The following DTX2 variants were observed in gnomAD, a reference collection of about 807,000 sequenced individuals.
DTX2 encodes the protein deltex E3 ubiquitin ligase 2.
In DTX2, 29 loss-of-function variants were observed where a neutral mutation model predicts 55.3. That is an observed-to-expected ratio of 0.52 (90% confidence interval 0.39 to 0.71). The LOEUF (loss-of-function observed/expected upper bound fraction) is 0.71. Among genes scored for constraint, DTX2 ranks in the 30% least tolerant of loss-of-function variants. The pLI, the probability that DTX2 is intolerant of heterozygous loss-of-function variation, is 0.00. For missense variants in DTX2, 537 were observed against 822.5 expected, an observed-to-expected ratio of 0.65 and a Z score of 4.25; for synonymous variants, 276 against 340.4, an observed-to-expected ratio of 0.81 and a Z score of 2.08.
At chr7:76,496,435 G>C (rs1810927998) in intron 5 of DTX2, among the ~76,000 whole-genome samples, 1 of 83,680 alleles carries the variant, frequency 1.2e-5, no homozygotes, top group Non-Finnish European at 2.4e-5. Context: ...GAAGCTCTAG[G>C]CTTCCCCTTT....
intron 2 of DTX2, among the ~76,000 whole-genome samples, chr7:76,475,167 C>T (rs1194740414): frequency 2.0e-5 from 3 of 151,528 alleles, no homozygotes; most frequent in East Asian, 1.9e-4. Context: ...AAAAATTAGC[C>T]GGGCTTGGTG....
rs764404421 is a variant in DTX2, at chr7:76,480,686, G to T, written c.177G>T (p.Leu59=). The part of the protein sequence containing the change: ...QKGQRFGLGS[L]AHSIPLGQAD... ...GCCAACGTTTTGGGCTTGGGAGCCT[G>T]GCCCACAGCATCCCCTTGGGCCAGG... Residue 59 remains leucine, a synonymous_variant, in exon 3 of 11, where the codon CTG becomes CTT. Transcript: ENST00000430490. 1.2e-6 allele frequency: 2 copies of T among 1,613,578 alleles called. No homozygotes were observed. The highest frequency in any genetic ancestry group is 2.7e-5 in the African/African-American group (2 of 74,918).
Position 76,496,014 on chromosome 7 carries a change from C to T in DTX2, c.1010-1323C>T, listed in dbSNP as rs557614022. 9.7e-4 allele frequency among the ~76,000 whole-genome samples: 97 copies of T among 99,650 alleles called. 6 individuals carry two copies. Among genetic ancestry groups the T allele is most frequent in the Non-Finnish European group, 1.4e-3 (69 of 48,626 alleles). The allele number at this position is 99,650 out of a possible 152,430, so 65.4% of individuals were successfully genotyped here. ...CCCGCTTGTCCTTCTCTCCACCCGA[C>T]ATTCAGTTCCCACAGGAACCGCATT... On this transcript the variant is annotated intron_variant, in intron 5 of 10. Transcript: ENST00000430490.
chr7:76,503,360 G>C (rs570283968), intron 8 of DTX2, 66 bp from the exon 9 acceptor site: 8 of 1,544,502 alleles, frequency 5.2e-6, no homozygotes, highest in Non-Finnish European at 6.1e-6. Context: ...ACCATCTGAC[G>C]GTGGAGGTGA....
At chr7:76,490,334 C>A (rs141762993) in intron 4 of DTX2, among the ~76,000 whole-genome samples, 4 of 68,216 alleles carry the variant, frequency 5.9e-5, no homozygotes, top group Non-Finnish European at 1.2e-4. Flanking sequence ...CCTCACCCCC[C>A]CAAAAAAAGA....
chr7:76,483,190 C>T, intron 4 of DTX2, 43 bp downstream of exon 4: 1 of 1,588,314 alleles, frequency 6.3e-7, no homozygotes, highest in Non-Finnish European at 8.5e-7. Flanking sequence ...CCCTGTGTTT[C>T]CGCTCTTAGC....
chr7:76,505,368 G>C lies in DTX2; in HGVS notation c.1642-6G>C. 6.4e-7 allele frequency: 1 copy of C among 1,565,746 alleles called. No homozygotes were observed. The highest frequency in any genetic ancestry group is 8.7e-7 in the Non-Finnish European group (1 of 1,155,422). ...CTTCCTCTTCCCCCTCCTCCTCCCC[G>C]GGCAGGTCCTAGAGCTCCTGAAGGT... On this transcript the variant is annotated splice_polypyrimidine_tract_variant and splice_region_variant and intron_variant, in intron 10 of 10. Transcript: ENST00000430490. The surrounding 1 kb of genome is among the most constrained non-coding windows in gnomAD (Gnocchi z 4.4).
At position 76,480,554 on chromosome 7, in the gene DTX2, C is replaced by G. The variant is rs779129877; in HGVS notation, c.45C>G (p.Ser15Arg). The change falls in exon 3 of 11, where the codon AGC (serine) becomes AGG (arginine). Residue 15 changes from serine to arginine, a missense_variant. Coordinates refer to ENST00000430490, the MANE Select transcript of DTX2 (RefSeq NM_001102594.3). ...PSPSLVQVYT[S>R]PAAVAVWEWQ... ...CTTCCCTGGTGCAGGTGTACACCAG[C>G]CCCGCGGCTGTGGCCGTGTGGGAAT... 5.0e-6 allele frequency: 8 copies of G among 1,612,182 alleles called. No homozygotes were observed. Among genetic ancestry groups the G allele is most frequent in the Non-Finnish European group, 6.8e-6 (8 of 1,179,874 alleles).
In DTX2 at chr7:76,483,079, C is replaced by G; in HGVS notation, c.840C>G (p.Tyr280Ter). ...APPSLGSQPL[Y>*]RSSLSHLGPQ... The stretch of plus-strand genomic sequence containing the variant: ...CTTCCCTGGGGAGCCAGCCCCTCTA[C>G]CGCTCCAGCCTCTCCCACCTGGGAC... Residue 280 changes from tyrosine to a stop codon, truncating the protein, a stop_gained, in exon 4 of 11, where the codon TAC becomes TAG. Transcript: ENST00000430490. LOFTEE classifies it high-confidence loss of function. 6.2e-7 allele frequency: 1 copy of G among 1,613,006 alleles called. No homozygotes were observed. Among genetic ancestry groups the G allele is most frequent in the South Asian group, 1.1e-5 (1 of 91,060 alleles).
At position 76,500,839 on chromosome 7, in the gene DTX2, C is replaced by T. The variant is rs890951115; in HGVS notation, c.1230+319C>T. ...CCAGCCTGCCCCACTCTCCACCTTGCGGATGCTGGTGTAGAAGTGAGGTGG... is the reference window on the plus strand; with the variant it reads ...CCAGCCTGCCCCACTCTCCACCTTGTGGATGCTGGTGTAGAAGTGAGGTGG... On this transcript the variant is annotated intron_variant, in intron 7 of 10. Coordinates refer to ENST00000430490, the MANE Select transcript of DTX2 (RefSeq NM_001102594.3). Among the ~76,000 whole-genome samples, 6 of 152,228 alleles carry T rather than the reference C, an allele frequency of 3.9e-5. No individual in the cohort carries two copies. In the East Asian group the frequency reaches 9.7e-4, roughly 25 times the overall value.
At position 76,505,405 on chromosome 7, in the gene DTX2, G is replaced by C; in HGVS notation, c.1673G>C (p.Arg558Thr). ...GAGCTCCTGAAGGTGGCCTGGAAGA[G>C]GCGGCTCATCTTCACAGTGGGCACG... is the stretch of plus-strand genomic sequence containing the variant. ...VLELLKVAWK[R>T]RLIFTVGTSS... Residue 558 changes from arginine (R) to threonine (T), a missense_variant, in exon 11 of 11, where the codon AGG becomes ACG. Physicochemically the swap from Arg to Thr is moderately conservative, Grantham distance 71. Around this residue, in one of 7 missense-constraint regions of DTX2, gnomAD observed 33 missense variants for 48.4 expected, o/e 0.68. Transcript: ENST00000430490. The surrounding 1 kb of genome is among the most constrained non-coding windows in gnomAD (Gnocchi z 4.4). 1 of 1,589,872 alleles carries C rather than the reference G, an allele frequency of 6.3e-7. No homozygotes were observed. Among genetic ancestry groups the C allele is most frequent in the Non-Finnish European group, 8.6e-7 (1 of 1,168,564 alleles).
intron 2 of DTX2, chr7:76,474,690 A>G (rs1218234195): frequency 6.6e-6 from 1 of 152,036 alleles, no homozygotes; most frequent in African/African-American, 2.4e-5. Flanking sequence ...CCCAGAGGCC[A>G]CAACTGCAGT....
At chr7:76,468,090 GA>G (rs1283126907) in intron 2 of DTX2, among the ~76,000 whole-genome samples, 22 of 152,294 alleles carry the variant, frequency 1.4e-4, no homozygotes, top group African/African-American at 5.1e-4. Flanking sequence ...GAGGAGGGGA[GA>G]GGGAGGCCAG....
At chr7:76,466,823 C>T (rs1347891341) in intron 2 of DTX2, among the ~76,000 whole-genome samples, 1 of 152,186 alleles carries the variant, frequency 6.6e-6, no homozygotes, top group Non-Finnish European at 1.5e-5. Flanking sequence ...GTCTCAAACT[C>T]CTGACCTCAG....
rs1409494505 is a variant in DTX2 at position 76,475,516 on chromosome 7, ATCT to A, written c.-89-4904_-89-4902del. ...AACCTGGCCAATGTGGCAAAACCAC[ATCT>A]CTACTGAAAATACAAAAATTAGCCA... On this transcript the variant is annotated intron_variant, in intron 2 of 10. Transcript: ENST00000430490. 1.6e-3 allele frequency among the ~76,000 whole-genome samples: 235 copies of A among 142,884 alleles called. 1 individual carries two copies. The highest frequency in any genetic ancestry group is 5.7e-3 in the African/African-American group (221 of 38,688). 93.7% of individuals were successfully genotyped at this position (142,884 alleles called of 152,430 possible).
At chr7:76,491,089 C>T (rs1424765955) in intron 4 of DTX2, among the ~76,000 whole-genome samples, 1 of 144,706 alleles carries the variant, frequency 6.9e-6, no homozygotes, top group African/African-American at 2.6e-5. Flanking sequence ...CTCTGCTGCC[C>T]GAGGTTCAAG....
At chr7:76,503,068 C>T (rs1014405356) in intron 8 of DTX2, 50 of 317,608 alleles carry the variant, frequency 1.6e-4, no homozygotes, top group African/African-American at 9.9e-4. Flanking sequence ...TCGGCCTTCC[C>T]TAGTGTCTGC....
At chr7:76,476,954 A>G (rs1165118718) in intron 2 of DTX2, 1 of 152,092 alleles carries the variant, frequency 6.6e-6, no homozygotes, top group African/African-American at 2.4e-5. Context: ...CTGTTTTTGC[A>G]GAGTTGTGAG....
intron 2 of DTX2, chr7:76,477,022 G>T (rs974797050): frequency 9.9e-5 from 15 of 151,954 alleles, no homozygotes; most frequent in African/African-American, 3.6e-4. Flanking sequence ...GCCGATGATG[G>T]AGGCGGCCGT....
Sources: gnomAD v4.1 joint callset for allele counts (sites outside exome capture counted in the v4.1 genomes callset) on GRCh38, gnomAD v4.1.1 for gene constraint, gnomAD v4.1.1 regional missense constraint, Gnocchi (gnomAD v3.1) non-coding constraint, MANE v1.5 for transcripts, NCBI Gene and HGNC (gene_info 2026-07-23, HGNC 2026-07-21) for gene names.